The following ZCCHC2 variants were observed in gnomAD, a reference collection of about 807,000 sequenced individuals.
ZCCHC2 encodes zinc finger CCHC domain-containing protein 2.
ZCCHC2 carries 39 observed loss-of-function variants against 103.6 expected under a neutral mutation model. That is an observed-to-expected ratio of 0.38 (90% confidence interval 0.29 to 0.49). The LOEUF is 0.49. Among genes scored for constraint, ZCCHC2 ranks in the 20% least tolerant of loss-of-function variants. The pLI is 0.96. For missense variants in ZCCHC2, 1,483 were observed against 1,491.0 expected (o/e 0.99, Z 0.09); for synonymous variants, 687 against 608.9 (o/e 1.13, Z -1.89).
chr18:62,559,657 T>C (rs2145517681), intron 7 of ZCCHC2, among the ~76,000 whole-genome samples: 1 of 152,330 alleles, frequency 6.6e-6, no homozygotes, highest in South Asian at 2.1e-4. Context: ...AAAGGGGACA[T>C]GGGCCCGGGT....
intron 1 of ZCCHC2, chr18:62,526,859 C>T (rs2145482460): frequency 1.3e-5 from 2 of 152,124 alleles, no homozygotes; most frequent in East Asian, 3.9e-4. Context: ...GCCCCGCCCC[C>T]GGCGCCCTTT....
At position 62,575,508 on chromosome 18, in the gene ZCCHC2, G is replaced by A; in HGVS notation, c.3427G>A (p.Ala1143Thr). The A allele has an allele frequency of 6.2e-7, 1 of 1,614,026 alleles. No homozygotes were observed. The highest frequency in any genetic ancestry group is 8.5e-7 in the Non-Finnish European group (1 of 1,179,896). ...CAATTGTGGTGTAAGCGGACACTAT[G>A]CACAGGACTGTAAGCAGTCGTCCAT... ...CYNCGVSGHY[A>T]QDCKQSSMEA... Residue 1143 changes from alanine to threonine, a missense_variant, in exon 13 of 14, where the codon GCA becomes ACA. Ala to Thr is a moderately conservative substitution (Grantham distance 58). Coordinates refer to ENST00000269499, the MANE Select transcript of ZCCHC2 (RefSeq NM_017742.6).
chr18:62,542,272 T>C (rs1190334261), intron 2 of ZCCHC2, among the ~76,000 whole-genome samples: 1 of 152,194 alleles, frequency 6.6e-6, no homozygotes, highest in Non-Finnish European at 1.5e-5. Context: ...ACTCAGCATG[T>C]CGTATGGGTA....
chr18:62,563,941 G>A (rs903258634), intron 9 of ZCCHC2, among the ~76,000 whole-genome samples: 2 of 152,086 alleles, frequency 1.3e-5, no homozygotes, highest in Non-Finnish European at 1.5e-5. Context: ...GTTTCATGTC[G>A]TATGGCCTCG....
intron 1 of ZCCHC2, among the ~76,000 whole-genome samples, chr18:62,535,862 T>G (rs1399599512): frequency 6.6e-6 from 1 of 152,244 alleles, no homozygotes; most frequent in African/African-American, 2.4e-5. Flanking sequence ...GTTAATTTTC[T>G]AAGTCTCATT....
Position 62,574,920 on chromosome 18 carries a change from A to G in ZCCHC2, c.2839A>G (p.Ser947Gly). Residue 947 changes from serine (S) to glycine (G), a missense_variant, in exon 13 of 14, where the codon AGC (serine) becomes GGC (glycine). Around this residue, in one of 3 missense-constraint regions of ZCCHC2, gnomAD observed 884 missense variants for 907.5 expected, o/e 0.97. Transcript: ENST00000269499. ...AGCAGCAACTTCTCCCCAGCCAGCG[A>G]GCGCAGGTATCAGCCAGGCCCAGGC... ...STAATSPQPA[S>G]AGISQAQATV... The G allele has an allele frequency of 6.2e-7, 1 of 1,613,854 alleles. No homozygotes were observed. Among genetic ancestry groups the G allele is most frequent in the South Asian group, 1.1e-5 (1 of 91,082 alleles).
In ZCCHC2 at chr18:62,524,220, GCCTCGCTGCA is replaced by G. The variant is rs1914230143; in HGVS notation, c.799_808del (p.Ser267ArgfsTer11). ...GGAACTGCTGCTGCTCTTCACCATG[GCCTCGCTGCA>G]CCCGGCTTTCTCCTTCCACCAGCGG... is the stretch of plus-strand genomic sequence containing the variant. On this transcript the variant is annotated frameshift_variant, in exon 1 of 14. Coordinates refer to ENST00000269499, the MANE Select transcript of ZCCHC2 (RefSeq NM_017742.6). LOFTEE classifies it high-confidence loss of function. 1 of 1,549,918 alleles carries G rather than the reference GCCTCGCTGCA, an allele frequency of 6.5e-7. No individual in the cohort carries two copies. The highest frequency in any genetic ancestry group is 2.0e-5 in the Admixed American group (1 of 50,974).
At chr18:62,524,538 G>C in intron 1 of ZCCHC2, 175 bp downstream of exon 1, 1 of 1,049,650 alleles carries the variant, frequency 9.5e-7, no homozygotes, top group Non-Finnish European at 1.3e-6. Context: ...GGGCCGCTCC[G>C]TTCCACTCCC....
In ZCCHC2 at chr18:62,553,376, A is replaced by C. The variant is rs1167622614; in HGVS notation, c.1314-2827A>C. ...GAACCATAATTAATCAACATATTTT[A>C]CGTCCATTTTAGTTGTTTCTAAATG... On this transcript the variant is annotated intron_variant, in intron 5 of 13. Coordinates refer to ENST00000269499, the MANE Select transcript of ZCCHC2 (RefSeq NM_017742.6). Among the ~76,000 whole-genome samples the C allele has an allele frequency of 3.9e-5, 6 of 152,132 alleles. No homozygotes were observed. The South Asian group carries it at 6.2e-4, about 16-fold the overall frequency.
At chr18:62,560,505 T>G (rs1293554211) in intron 7 of ZCCHC2, 82 bp from the exon 8 acceptor site, 1 of 1,121,770 alleles carries the variant, frequency 8.9e-7, no homozygotes, top group Non-Finnish European at 1.3e-6. Context: ...CCAGTGGTTA[T>G]GATCATACAA....
intron 6 of ZCCHC2, 173 bp from the exon 7 acceptor site, chr18:62,558,514 C>G: frequency 2.5e-6 from 1 of 406,746 alleles, no homozygotes; most frequent in East Asian, 4.2e-5. Flanking sequence ...GAACACGGTT[C>G]CCACTCACAG....
intron 3 of ZCCHC2, among the ~76,000 whole-genome samples, chr18:62,543,065 C>G (rs1259767294): frequency 2.6e-5 from 4 of 152,150 alleles, no homozygotes; most frequent in Non-Finnish European, 5.9e-5. Flanking sequence ...CTTTGCATGT[C>G]TTCTTCTTGC....
At chr18:62,526,769 G>A (rs1914423341) in intron 1 of ZCCHC2, 1 of 152,038 alleles carries the variant, frequency 6.6e-6, no homozygotes, top group South Asian at 2.1e-4. Context: ...GGCGATATAG[G>A]GTCCGTGGCG....
intron 8 of ZCCHC2, among the ~76,000 whole-genome samples, chr18:62,561,965 A>C (rs968389616): frequency 3.3e-5 from 5 of 151,962 alleles, no homozygotes; most frequent in Admixed American, 2.0e-4. Flanking sequence ...CTTGTATGTT[A>C]GATTTTTCAC....
chr18:62,576,434 G>A (rs116625654), intron 13 of ZCCHC2, 78 bp from the exon 14 acceptor site: 14 of 1,281,038 alleles, frequency 1.1e-5, no homozygotes, highest in Middle Eastern at 1.8e-4. Flanking sequence ...GAGCATGCCC[G>A]TGTGATAGCT....
rs955459149 is a variant in ZCCHC2, at chr18:62,576,825, A to G, written c.*246A>G. The G allele has an allele frequency of 4.6e-5, 17 of 367,754 alleles. No individual in the cohort carries two copies. Among genetic ancestry groups the G allele is most frequent in the African/African-American group, 3.6e-4 (16 of 44,150 alleles). The allele number at this position is 367,754 out of a possible 1,614,324, so 22.8% of individuals were successfully genotyped here. A position where few individuals can be genotyped will look rare whatever the true frequency, so the allele number is the denominator to read the frequency against. On this transcript the variant is annotated 3_prime_UTR_variant, in exon 14 of 14. Coordinates refer to ENST00000269499, the MANE Select transcript of ZCCHC2 (RefSeq NM_017742.6). ...ACATGTAATTTAAACCTTCAGACAA[A>G]CTTAAATGTTGGTGCGTGCTTTTTT... is the stretch of plus-strand genomic sequence containing the variant.
At chr18:62,536,248 G>A (rs1914917071) in intron 1 of ZCCHC2, among the ~76,000 whole-genome samples, 1 of 152,324 alleles carries the variant, frequency 6.6e-6, no homozygotes, top group South Asian at 2.1e-4. Flanking sequence ...TGAGGCAAGC[G>A]ATAGGACAGA....
Position 62,575,130 on chromosome 18 carries a change from C to T in ZCCHC2, c.3049C>T (p.Arg1017Ter). 1.2e-6 allele frequency: 2 copies of T among 1,613,932 alleles called. No individual in the cohort carries two copies. The highest frequency in any genetic ancestry group is 1.7e-6 in the Non-Finnish European group (2 of 1,179,862). The change falls in exon 13 of 14, where the codon CGA (arginine) becomes TGA (stop). Residue 1017 changes from arginine to a stop codon, truncating the protein, a stop_gained. Coordinates refer to ENST00000269499, the MANE Select transcript of ZCCHC2 (RefSeq NM_017742.6). LOFTEE classifies it high-confidence loss of function. ...CTCAGGTCCTTGTGGTTCTTGTGGG[C>T]GAAGGTGCAGCTGTGGGACCAATGG... ...MGSGPCGSCG[R>*]RCSCGTNGNL... is the part of the protein sequence containing the mutation.
chr18:62,541,544 A>T (rs1220436834), intron 2 of ZCCHC2, among the ~76,000 whole-genome samples: 2 of 77,674 alleles, frequency 2.6e-5, no homozygotes, highest in African/African-American at 1.5e-4. Context: ...GCTCTCCTGA[A>T]TCCAACAGTG....
Sources: allele counts gnomAD v4.1 joint callset (sites outside exome capture counted in the v4.1 genomes callset), GRCh38; gene constraint gnomAD v4.1.1; regional missense constraint gnomAD v4.1.1; transcripts MANE v1.5; gene names NCBI Gene and HGNC (gene_info 2026-07-23, HGNC 2026-07-21).